Variants in RNF115 observed in about 807,000 individuals in gnomAD.
RNF115 encodes the protein E3 ubiquitin-protein ligase RNF115.
RNF115 carries 31 observed loss-of-function variants against 39.2 expected under a neutral mutation model. The ratio of observed to expected loss-of-function variants is 0.79; its 90% confidence interval spans 0.59 to 1.07. The LOEUF (loss-of-function observed/expected upper bound fraction) is 1.07, where lower values mean the gene tolerates loss of function less well. Ranked by LOEUF, RNF115 falls within the 50% of genes least tolerant of loss-of-function variation. RNF115 has a pLI of 0.00. For synonymous variants in RNF115, 124 were observed against 131.0 expected, an observed-to-expected ratio of 0.95 and a Z score of 0.37; for missense variants, 384 against 381.7, an observed-to-expected ratio of 1.01 and a Z score of -0.05.
chr1:145,808,322 C>T (rs1649546244), intron 1 of RNF115, among the ~76,000 whole-genome samples: 2 of 152,034 alleles, frequency 1.3e-5, no homozygotes, highest in African/African-American at 2.4e-5. Context: ...TTTAAGAGTT[C>T]CCTTTCTTCC....
intron 4 of RNF115, among the ~76,000 whole-genome samples, chr1:145,767,972 A>AGAGAGGGAGAGGGAGACCGTGGG (rs1553715273): frequency 6.6e-6 from 1 of 151,962 alleles, no homozygotes; most frequent in South Asian, 2.1e-4. Context: ...GACCATGGCA[A>AGAGAGGGAGAGGGAGACCGTGGG]GAGAGGGAGA....
intron 4 of RNF115, among the ~76,000 whole-genome samples, chr1:145,761,334 A>C (rs781953726): frequency 6.6e-6 from 1 of 152,238 alleles, no homozygotes; most frequent in Non-Finnish European, 1.5e-5. Context: ...AGACCTTCAC[A>C]GCAGCCCCTC....
Position 145,809,183 on chromosome 1 carries a change from ATTTT to A in RNF115, c.102+14585_102+14588del, listed in dbSNP as rs71077279. Among the ~76,000 whole-genome samples, 830 of 133,958 alleles carry A rather than the reference ATTTT, an allele frequency of 6.2e-3. 4 individuals carry two copies. The highest frequency in any genetic ancestry group is 7.8e-3 in the African/African-American group (276 of 35,452). The allele number at this position is 133,958 out of a possible 152,430, so 87.9% of individuals were successfully genotyped here. ...ACAGGTCTGTGCTTTGTTTTCAAGG[ATTTT>A]TTTTTTTTTTTTTTTTTGAGACAGA... On this transcript the variant is annotated intron_variant, in intron 1 of 8. Transcript: ENST00000582693.
At chr1:145,817,472 CTCTT>C (rs1224550327) in intron 1 of RNF115, among the ~76,000 whole-genome samples, 1 of 140,924 alleles carries the variant, frequency 7.1e-6, no homozygotes, top group Non-Finnish European at 1.6e-5. Context: ...AGTCAGTACC[CTCTT>C]TGTTTACTTT....
chr1:145,790,805 T>C (rs1490099169), intron 1 of RNF115, among the ~76,000 whole-genome samples: 1 of 152,110 alleles, frequency 6.6e-6, no homozygotes, highest in African/African-American at 2.4e-5. Context: ...ACTATATACA[T>C]ATCAACGCAG....
chr1:145,802,073 C>A (rs1035150876), intron 1 of RNF115, among the ~76,000 whole-genome samples: 1 of 152,178 alleles, frequency 6.6e-6, no homozygotes, highest in Non-Finnish European at 1.5e-5. Context: ...CAGGCGTGAG[C>A]CACCACGCCC....
At chr1:145,807,817 C>G (rs1649523627) in intron 1 of RNF115, among the ~76,000 whole-genome samples, 3 of 152,134 alleles carry the variant, frequency 2.0e-5, no homozygotes, top group African/African-American at 7.2e-5. Flanking sequence ...TAATCAACCT[C>G]TCTTTATCCA....
intron 2 of RNF115, among the ~76,000 whole-genome samples, chr1:145,786,642 T>C (rs782043304): frequency 2.0e-5 from 3 of 152,228 alleles, no homozygotes; most frequent in Non-Finnish European, 4.4e-5. Flanking sequence ...ATAAAAGTAC[T>C]ATCTGCCTAA....
At chr1:145,768,164 C>A (rs1647464220) in intron 4 of RNF115, among the ~76,000 whole-genome samples, 1 of 152,274 alleles carries the variant, frequency 6.6e-6, no homozygotes, top group African/African-American at 2.4e-5. Context: ...TCTGGCCTCA[C>A]TCCTCCACTT....
intron 1 of RNF115, among the ~76,000 whole-genome samples, chr1:145,819,297 A>C (rs1188232182): frequency 2.1e-5 from 3 of 144,394 alleles, no homozygotes; most frequent in East Asian, 2.0e-4. Flanking sequence ...AAAAAAAAAA[A>C]AAACAGCCAG....
chr1:145,771,133 T>C (rs1647617482), intron 4 of RNF115, among the ~76,000 whole-genome samples: 1 of 152,238 alleles, frequency 6.6e-6, no homozygotes, highest in South Asian at 2.1e-4. Flanking sequence ...GTTGGAAACT[T>C]AATCCCCAGT....
At chr1:145,795,383 AC>A (rs1386785144) in intron 1 of RNF115, among the ~76,000 whole-genome samples, 1 of 152,094 alleles carries the variant, frequency 6.6e-6, no homozygotes, top group East Asian at 1.9e-4. Flanking sequence ...GCTGGCTGGT[AC>A]GGCCAGCTTT....
intron 3 of RNF115, among the ~76,000 whole-genome samples, chr1:145,781,005 T>A (rs1648117268): frequency 6.6e-6 from 1 of 152,018 alleles, no homozygotes; most frequent in African/African-American, 2.4e-5. Flanking sequence ...TATAGCAATG[T>A]CTTCTCTCTA....
rs782689724 is a variant in RNF115, at chr1:145,771,726, G to C, written c.413C>G (p.Ser138Cys). 3 of 1,613,720 alleles carry C rather than the reference G, an allele frequency of 1.9e-6. No individual in the cohort carries two copies. The highest frequency in any genetic ancestry group is 2.2e-5 in the East Asian group (1 of 44,886). ...AACAACTCACCCTTCAATAGCTGGA[G>C]ATCTGTCAGGACGAGAACTTCCTCG... is the stretch of plus-strand genomic sequence containing the variant. ...RSRGSSRPDRSPAIEGILQHI... is the reference protein window; with the variant it reads ...RSRGSSRPDRCPAIEGILQHI... Residue 138 changes from serine (S) to cysteine (C), a missense_variant, in exon 4 of 9, where the codon TCT (serine) becomes TGT (cysteine). Physicochemically the swap from Ser to Cys is moderately radical, Grantham distance 112 (BLOSUM62 -1). Coordinates refer to ENST00000582693, the MANE Select transcript of RNF115 (RefSeq NM_014455.4).
At chr1:145,781,299 A>C (rs1421011387) in intron 3 of RNF115, among the ~76,000 whole-genome samples, 1 of 152,234 alleles carries the variant, frequency 6.6e-6, no homozygotes, top group Non-Finnish European at 1.5e-5. Flanking sequence ...GCTCCAGCTA[A>C]AGAAAAATAG....
chr1:145,750,597 G>A, intron 6 of RNF115, 97 bp from the exon 7 acceptor site: 1 of 878,886 alleles, frequency 1.1e-6, no homozygotes. Flanking sequence ...GCAGACATTA[G>A]GTATGTTAGT....
rs1483988572 is a variant in RNF115 at position 145,742,527 on chromosome 1, T to C, written c.*4339A>G. 6.6e-6 allele frequency: 1 copy of C among 152,108 alleles called. No homozygotes were observed. The highest frequency in any genetic ancestry group is 1.5e-5 in the Non-Finnish European group (1 of 68,040). 9.4% of individuals were successfully genotyped at this position (152,108 alleles called of 1,614,324 possible). ...CCAACAGTGCCCCATACCAGAGAAC[T>C]CAGGGAAACAAAGACCCTAAAGGTT... On this transcript the variant is annotated 3_prime_UTR_variant, in exon 9 of 9. Transcript: ENST00000582693.
chr1:145,778,335 G>C (rs979415418), intron 3 of RNF115, among the ~76,000 whole-genome samples: 4 of 152,186 alleles, frequency 2.6e-5, no homozygotes, highest in Admixed American at 2.0e-4. Context: ...GAGAACTGTG[G>C]AGAAATATGT....
intron 1 of RNF115, among the ~76,000 whole-genome samples, chr1:145,819,371 T>C (rs1189298719): frequency 1.4e-5 from 2 of 147,274 alleles, no homozygotes; most frequent in Non-Finnish European, 3.0e-5. Context: ...ATCACCTGAG[T>C]CTGGGAAGTC....
Sources: gnomAD v4.1 joint callset for allele counts (sites outside exome capture counted in the v4.1 genomes callset) on GRCh38, gnomAD v4.1.1 for gene constraint, MANE v1.5 for transcripts, NCBI Gene and HGNC (gene_info 2026-07-23, HGNC 2026-07-21) for gene names.